The following TNIP3 variants were observed in gnomAD, a reference collection of about 807,000 sequenced individuals.
TNIP3 encodes the protein TNFAIP3 interacting protein 3.
TNIP3 carries 34 observed loss-of-function variants against 54.1 expected under a neutral mutation model. That is an observed-to-expected ratio of 0.63 (90% CI 0.48 to 0.84). The LOEUF (loss-of-function observed/expected upper bound fraction) is 0.84. Among genes scored for constraint, TNIP3 ranks in the 40% least tolerant of loss-of-function variants. The pLI is 0.00. For synonymous variants in TNIP3, 134 were observed against 136.8 expected, an observed-to-expected ratio of 0.98 and a Z score of 0.14; for missense variants, 366 against 387.6, an observed-to-expected ratio of 0.94 and a Z score of 0.47.
chr4:121,206,474 T>G (rs1016578601), intron 2 of TNIP3, among the ~76,000 whole-genome samples: 6 of 152,140 alleles, frequency 3.9e-5, no homozygotes, highest in African/African-American at 1.4e-4. Flanking sequence ...TATCATAAAT[T>G]TATTGTTCTG....
At chr4:121,210,013 C>T (rs1191623623) in intron 2 of TNIP3, among the ~76,000 whole-genome samples, 2 of 152,044 alleles carry the variant, frequency 1.3e-5, no homozygotes, top group South Asian at 2.1e-4. Context: ...AAATGACTTA[C>T]CTAAGAAGCG....
At chr4:121,170,189 A>G (rs1039704058) in intron 3 of TNIP3, among the ~76,000 whole-genome samples, 1 of 152,178 alleles carries the variant, frequency 6.6e-6, no homozygotes, top group Non-Finnish European at 1.5e-5. Context: ...AATTCGATGT[A>G]CCTTTCTCCT....
intron 3 of TNIP3, among the ~76,000 whole-genome samples, chr4:121,176,446 G>C (rs2148824288): frequency 6.6e-6 from 1 of 152,100 alleles, no homozygotes; most frequent in Admixed American, 6.6e-5. Flanking sequence ...GATTCAAAGA[G>C]GAAGTCAGTT....
intron 3 of TNIP3, among the ~76,000 whole-genome samples, chr4:121,173,113 T>G (rs1470078816): frequency 6.6e-6 from 1 of 152,196 alleles, no homozygotes; most frequent in Non-Finnish European, 1.5e-5. Flanking sequence ...CCTGGTTTAC[T>G]TCCCCCAAAG....
intron 1 of TNIP3, among the ~76,000 whole-genome samples, chr4:121,226,372 A>G (rs940934144): frequency 1.3e-5 from 2 of 152,248 alleles, no homozygotes; most frequent in South Asian, 2.1e-4. Context: ...TAAAAAATAC[A>G]CTAAAAAAGT....
At chr4:121,140,612 A>G (rs73847413) in intron 9 of TNIP3, among the ~76,000 whole-genome samples, 7,734 of 152,212 alleles carry the variant, frequency 0.051, 682 homozygotes, top group African/African-American at 0.18. Flanking sequence ...TATTTCTCCA[A>G]TCCCCCAACC....
intron 2 of TNIP3, among the ~76,000 whole-genome samples, chr4:121,190,121 A>T (rs549658754): frequency 6.6e-6 from 1 of 152,340 alleles, no homozygotes; most frequent in African/African-American, 2.4e-5. Context: ...ACTGCTCTGC[A>T]TGGGTGAAAC....
chr4:121,171,356 GA>G (rs1171171695), intron 3 of TNIP3, among the ~76,000 whole-genome samples: 1 of 152,184 alleles, frequency 6.6e-6, no homozygotes, highest in African/African-American at 2.4e-5. Context: ...TGGATTAAAA[GA>G]GGGGTGGATA....
At chr4:121,141,233 C>G (rs1729099542) in intron 9 of TNIP3, among the ~76,000 whole-genome samples, 1 of 152,126 alleles carries the variant, frequency 6.6e-6, no homozygotes, top group African/African-American at 2.4e-5. Context: ...TGCTTTGGGC[C>G]TCACTAATTC....
chr4:121,146,922 C>G, intron 7 of TNIP3, 127 bp downstream of exon 7: 1 of 968,130 alleles, frequency 1.0e-6, no homozygotes, highest in East Asian at 2.7e-5. Flanking sequence ...AGAATGACTT[C>G]ATCCCAGGTG....
At chr4:121,172,285 T>C (rs1170166018) in intron 3 of TNIP3, among the ~76,000 whole-genome samples, 1 of 152,162 alleles carries the variant, frequency 6.6e-6, no homozygotes, top group East Asian at 1.9e-4. Context: ...ATTTCCTATG[T>C]TCCTGGGAAG....
At chr4:121,160,102 C>T (rs1453554313) in intron 2 of TNIP3, among the ~76,000 whole-genome samples, 2 of 152,066 alleles carry the variant, frequency 1.3e-5, no homozygotes, top group Admixed American at 1.3e-4. Context: ...TCCAGAAGGT[C>T]ACAATATTCT....
intron 2 of TNIP3, among the ~76,000 whole-genome samples, chr4:121,214,458 G>A (rs923692884): frequency 2.0e-5 from 3 of 152,166 alleles, no homozygotes; most frequent in Admixed American, 1.3e-4. Flanking sequence ...TGGAGAAGAG[G>A]CAAGAGAATG....
At chr4:121,221,500 G>A (rs1727023323), upstream of TNIP3, among the ~76,000 whole-genome samples, 1 of 152,124 alleles carries the variant, frequency 6.6e-6, no homozygotes, top group African/African-American at 2.4e-5. Context: ...ATGTTGTTAA[G>A]AATATGATAA....
rs147885528 is a variant in TNIP3, at chr4:121,141,826, C to T, written c.875G>A (p.Arg292Gln). ...TGCACTCTTACTTACTGGGTGCTCCCGTTGCTTCTGCACAGCTCCAGGGCC... is the reference window on the plus strand; with the variant it reads ...TGCACTCTTACTTACTGGGTGCTCCTGTTGCTTCTGCACAGCTCCAGGGCC... ...PTGPGAVQKQREHPPDYQWYA... is the reference protein window; with the variant it reads ...PTGPGAVQKQQEHPPDYQWYA... Residue 292 changes from arginine to glutamine, a missense_variant, in exon 9 of 11, where the codon CGG (arginine) becomes CAG (glutamine). By Grantham distance (43) the Arg-to-Gln change is conservative. Transcript: ENST00000057513. The T allele has an allele frequency of 4.5e-5, 69 of 1,542,016 alleles. 1 individual carries two copies. Among genetic ancestry groups the T allele is most frequent in the African/African-American group, 1.8e-4 (13 of 71,692 alleles).
At chr4:121,182,726 G>A (rs774165746) in exon 3 of TNIP3, 26 of 1,534,134 alleles carry the variant, frequency 1.7e-5, no homozygotes, top group Middle Eastern at 4.6e-4. Context: ...GGGGTGAACC[G>A]TTTTGGATGA....
Position 121,151,593 on chromosome 4 carries a change from AT to A in TNIP3, c.493-1375del, listed in dbSNP as rs903664662. Among the ~76,000 whole-genome samples the A allele has an allele frequency of 6.7e-3, 997 of 149,126 alleles. 13 individuals are homozygous for A. The highest frequency in any genetic ancestry group is 0.022 in the African/African-American group (911 of 40,826). Reference sequence around the variant, plus strand: ...CTCTAGGAAGTGTCAGAATAGTTCAATTTTTTTTTTTCAATTGGTGAATAGT... The same window carrying A: ...CTCTAGGAAGTGTCAGAATAGTTCAATTTTTTTTTTCAATTGGTGAATAGT... On this transcript the variant is annotated intron_variant, in intron 5 of 10. Transcript: ENST00000057513.
At chr4:121,152,002 G>A (rs577489569) in intron 5 of TNIP3, among the ~76,000 whole-genome samples, 33 of 152,144 alleles carry the variant, frequency 2.2e-4, no homozygotes, top group Non-Finnish European at 4.3e-4. Context: ...TCTGGCTTCA[G>A]GAGCCTGATA....
At chr4:121,204,795 T>C (rs1726092438) in intron 2 of TNIP3, among the ~76,000 whole-genome samples, 1 of 152,208 alleles carries the variant, frequency 6.6e-6, no homozygotes, top group African/African-American at 2.4e-5. Flanking sequence ...TTTTCTAAAT[T>C]GGTTGCAATA....
Sources: allele counts gnomAD v4.1 joint callset (sites outside exome capture counted in the v4.1 genomes callset), GRCh38; gene constraint gnomAD v4.1.1; transcripts MANE v1.5; gene names NCBI Gene and HGNC (gene_info 2026-07-23, HGNC 2026-07-21).